The following EP400 variants were observed in gnomAD, a reference collection of about 807,000 sequenced individuals.
EP400 encodes the protein E1A binding protein p400.
A neutral mutation model predicts 354.1 loss-of-function variants in EP400; 105 were observed. The ratio of observed to expected loss-of-function variants is 0.30; its 90% confidence interval spans 0.25 to 0.35. EP400 has a LOEUF of 0.35. Among genes scored for constraint, EP400 ranks in the 10% least tolerant of loss-of-function variants. The pLI, the probability that EP400 is intolerant of heterozygous loss-of-function variation, is 1.00. For synonymous variants in EP400, 1,646 were observed against 1,716.9 expected, an observed-to-expected ratio of 0.96 and a Z score of 1.02; for missense variants, 3,280 against 4,121.0, an observed-to-expected ratio of 0.80 and a Z score of 5.59.
chr12:132,050,282 T>A lies in EP400; in HGVS notation c.7201-41T>A. On this transcript the variant is annotated intron_variant, in intron 39 of 52. Coordinates refer to ENST00000389561, the MANE Select transcript of EP400 (RefSeq NM_015409.5). This position sits in a 1 kb window ranked among gnomAD's most constrained non-coding sequence, Gnocchi z 4.8. ...TGTGTCCCACGCAGCCGTCTGTCCA[T>A]GCTGCCTAATTCAGATGCACTCTCG... 1 of 1,611,382 alleles carries A rather than the reference T, an allele frequency of 6.2e-7. No homozygotes were observed. Among genetic ancestry groups the A allele is most frequent in the Non-Finnish European group, 8.5e-7 (1 of 1,178,110 alleles).
In EP400 at chr12:132,029,314, C is replaced by G. The variant is rs1260608704; in HGVS notation, c.5382-387C>G. ...CTTCACCCTGAGTCTGGCCCCCGTC[C>G]TGGTGGCACAGTGGCTATAGCAGTT... On this transcript the variant is annotated intron_variant, in intron 27 of 52. Coordinates refer to ENST00000389561, the MANE Select transcript of EP400 (RefSeq NM_015409.5). This position sits in a 1 kb window ranked among gnomAD's most constrained non-coding sequence, Gnocchi z 4.7. 1 of 219,256 alleles carries G rather than the reference C, an allele frequency of 4.6e-6. No individual in the cohort carries two copies. The highest frequency in any genetic ancestry group is 2.3e-5 in the African/African-American group (1 of 43,836). The allele number at this position is 219,256 out of a possible 1,614,324, so 13.6% of individuals were successfully genotyped here. A position where few individuals can be genotyped will look rare whatever the true frequency, so the allele number is the denominator to read the frequency against.
chr12:132,014,317 C>T (rs1027303320), intron 19 of EP400, among the ~76,000 whole-genome samples: 2 of 152,200 alleles, frequency 1.3e-5, no homozygotes, highest in African/African-American at 4.8e-5. Flanking sequence ...GGAGGTGGCA[C>T]GCTGGTGTCT....
chr12:132,062,364 C>G (rs775483239), intron 46 of EP400, 41 bp downstream of exon 46: 4 of 1,611,886 alleles, frequency 2.5e-6, no homozygotes, highest in Non-Finnish European at 2.5e-6. Context: ...CACGTCTGCT[C>G]TGGCGCGTGT....
chr12:131,999,163 C>T (rs1186989214), intron 12 of EP400, among the ~76,000 whole-genome samples: 1 of 151,868 alleles, frequency 6.6e-6, no homozygotes, highest in Non-Finnish European at 1.5e-5. Flanking sequence ...TTGTTGCCTA[C>T]TGACCCCACG....
chr12:132,064,302 C>T (rs933213430), intron 47 of EP400, among the ~76,000 whole-genome samples: 2 of 152,212 alleles, frequency 1.3e-5, no homozygotes, highest in Non-Finnish European at 2.9e-5. Context: ...ACTTGATAGT[C>T]ATGATCAACT....
At chr12:132,028,832 G>A (rs1328491700) in intron 27 of EP400, 1 of 155,826 alleles carries the variant, frequency 6.4e-6, no homozygotes, top group African/African-American at 2.4e-5. Context: ...CTTCAGACAT[G>A]TTTTCTTCCC....
At chr12:131,980,841 C>T (rs568082012) in intron 3 of EP400, among the ~76,000 whole-genome samples, 11 of 152,228 alleles carry the variant, frequency 7.2e-5, no homozygotes, top group South Asian at 4.1e-4. Context: ...CGTGAGCCAC[C>T]GCGCCCAACT....
chr12:132,063,001 C>T (rs1005579693), intron 47 of EP400, among the ~76,000 whole-genome samples: 1 of 152,204 alleles, frequency 6.6e-6, no homozygotes, highest in Non-Finnish European at 1.5e-5. Flanking sequence ...GCATCAGTCT[C>T]TAGGCCCGCT....
chr12:132,013,880 A>G lies in EP400; in HGVS notation c.3890A>G (p.Lys1297Arg), dbSNP rs762691736. 1 of 1,614,258 alleles carries G rather than the reference A, an allele frequency of 6.2e-7. No individual in the cohort carries two copies. The highest frequency in any genetic ancestry group is 1.1e-5 in the South Asian group (1 of 91,088). ...AAGTGTCGCCTTTCTAACCGACAAAAAGCCTTATACGAGGACGTTATCCTG... is the reference window on the plus strand; with the variant it reads ...AAGTGTCGCCTTTCTAACCGACAAAGAGCCTTATACGAGGACGTTATCCTG... ...VLKCRLSNRQ[K>R]ALYEDVILQP... is the part of the protein sequence containing the mutation. Residue 1297 changes from lysine to arginine, a missense_variant, in exon 19 of 53, where the codon AAA becomes AGA. Lys to Arg is a conservative substitution (Grantham distance 26). Coordinates refer to ENST00000389561, the MANE Select transcript of EP400 (RefSeq NM_015409.5). This position sits in a 1 kb window ranked among gnomAD's most constrained non-coding sequence, Gnocchi z 4.5.
rs1251321766 is a variant in EP400, at chr12:132,054,197, G to A, written c.7728+600G>A. ...ATATGCGCAGAATCACACCTGCAGA[G>A]AATAGGAGCTGTGCCAAATTGGGGA... On this transcript the variant is annotated intron_variant, in intron 43 of 52. Coordinates refer to ENST00000389561, the MANE Select transcript of EP400 (RefSeq NM_015409.5). This position sits in a 1 kb window ranked among gnomAD's most constrained non-coding sequence, Gnocchi z 4.0. Among the ~76,000 whole-genome samples, 1 of 152,232 alleles carries A rather than the reference G, an allele frequency of 6.6e-6. No individual in the cohort carries two copies. The highest frequency in any genetic ancestry group is 1.5e-5 in the Non-Finnish European group (1 of 68,050).
In EP400 at chr12:132,013,568, C is replaced by T. The variant is rs777626275; in HGVS notation, c.3690C>T (p.Val1230=). 15 of 1,613,562 alleles carry T rather than the reference C, an allele frequency of 9.3e-6. No homozygotes were observed. The highest frequency in any genetic ancestry group is 1.2e-5 in the Non-Finnish European group (14 of 1,179,844). ...TCTGGACCATGGTGCACTTCCTGGTCCCAGGGATCTCCAGGCCCTACCTGA... is the reference window on the plus strand; with the variant it reads ...TCTGGACCATGGTGCACTTCCTGGTTCCAGGGATCTCCAGGCCCTACCTGA... ...LELWTMVHFL[V]PGISRPYLSS... The change falls in exon 18 of 53, where the codon GTC becomes GTT. Residue 1230 remains valine, a synonymous_variant. Coordinates refer to ENST00000389561, the MANE Select transcript of EP400 (RefSeq NM_015409.5). The surrounding 1 kb of genome is among the most constrained non-coding windows in gnomAD (Gnocchi z 4.5).
intron 5 of EP400, among the ~76,000 whole-genome samples, chr12:131,985,528 C>G (rs559612975): frequency 1.3e-5 from 2 of 152,250 alleles, no homozygotes; most frequent in Non-Finnish European, 2.9e-5. Flanking sequence ...CCCACCTTCC[C>G]TGCTCTCTGT....
Position 132,044,944 on chromosome 12 carries a change from G to A in EP400, c.6775G>A (p.Asp2259Asn). Reference protein sequence around the residue: ...VRKERKRHKTDPSAAGRKKKQ... With the variant: ...VRKERKRHKTNPSAAGRKKKQ... Reference sequence around the variant, plus strand: ...GAAGGAGCGGAAGCGACACAAAACAGACCCCTCAGGTGCGCATCCCGAGGG... The same window carrying A: ...GAAGGAGCGGAAGCGACACAAAACAAACCCCTCAGGTGCGCATCCCGAGGG... The change falls in exon 37 of 53, where the codon GAC becomes AAC. Residue 2259 changes from aspartate (D) to asparagine (N), a missense_variant. Around this residue, in one of 20 missense-constraint regions of EP400, gnomAD observed 231 missense variants for 257.9 expected, o/e 0.90. Transcript: ENST00000389561. The A allele has an allele frequency of 1.2e-6, 2 of 1,614,056 alleles. No individual in the cohort carries two copies. The highest frequency in any genetic ancestry group is 1.7e-6 in the Non-Finnish European group (2 of 1,180,032).
intron 12 of EP400, among the ~76,000 whole-genome samples, chr12:131,999,856 T>A (rs1893346974): frequency 6.6e-6 from 1 of 152,194 alleles, no homozygotes; most frequent in Non-Finnish European, 1.5e-5. Context: ...GCATACATTG[T>A]CAATAATTTC....
rs200733756 is a variant in EP400 at position 132,043,764 on chromosome 12, T to G, written c.6450+36T>G. On this transcript the variant is annotated intron_variant, in intron 34 of 52. Coordinates refer to ENST00000389561, the MANE Select transcript of EP400 (RefSeq NM_015409.5). ...CAACTTTTGGTCAGTGAAAAAAATT[T>G]GCAATATTTTCAGAGTTAAGTTTGA... The G allele has an allele frequency of 5.8e-6, 9 of 1,560,052 alleles. No individual in the cohort carries two copies. The East Asian group carries it at 2.0e-4, about 35-fold the overall frequency.
Position 132,077,449 on chromosome 12 carries a change from C to A in EP400, c.9148C>A (p.Gln3050Lys). ...ALTQATAAGQ[Q>K]VQMIPAVTAT... The stretch of plus-strand genomic sequence containing the variant: ...CACGCAGGCGACGGCGGCCGGGCAG[C>A]AGGTGCAGATGATCCCTGCAGTGAC... The change falls in exon 53 of 53, where the codon CAG becomes AAG. Residue 3050 changes from glutamine to lysine, a missense_variant. Transcript: ENST00000389561. 1.2e-6 allele frequency: 2 copies of A among 1,613,152 alleles called. No individual in the cohort carries two copies. Among genetic ancestry groups the A allele is most frequent in the South Asian group, 1.1e-5 (1 of 91,068 alleles).
rs192348531 is a variant in EP400, at chr12:131,998,147, A to C, written c.2827+3191A>C. On this transcript the variant is annotated intron_variant, in intron 12 of 52. Coordinates refer to ENST00000389561, the MANE Select transcript of EP400 (RefSeq NM_015409.5). ...TTTATTCTTTTATTGGCAAATTTGT[A>C]CCAGTCTGTACTGATACCACACTGT... 6.0e-4 allele frequency among the ~76,000 whole-genome samples: 91 copies of C among 152,270 alleles called. 1 individual carries two copies. Among genetic ancestry groups the C allele is most frequent in the Admixed American group, 6.0e-3 (91 of 15,280 alleles).
intron 46 of EP400, 47 bp downstream of exon 46, chr12:132,062,370 CGT>C: frequency 6.2e-7 from 1 of 1,611,208 alleles, no homozygotes; most frequent in East Asian, 2.2e-5. Flanking sequence ...TGCTCTGGCG[CGT>C]GTGAGGGCTC....
chr12:131,955,675 C>T (rs889367253), intron 1 of EP400, among the ~76,000 whole-genome samples: 5 of 151,084 alleles, frequency 3.3e-5, no homozygotes, highest in Admixed American at 1.3e-4. Context: ...GACAGAATCT[C>T]GCTCTGTTGC....
Sources: gnomAD v4.1 joint callset for allele counts (sites outside exome capture counted in the v4.1 genomes callset) on GRCh38, gnomAD v4.1.1 for gene constraint, gnomAD v4.1.1 regional missense constraint, Gnocchi (gnomAD v3.1) non-coding constraint, MANE v1.5 for transcripts, NCBI Gene and HGNC (gene_info 2026-07-23, HGNC 2026-07-21) for gene names.